STMN4: variants seen among roughly 807,000 people sequenced by gnomAD.
The protein encoded by STMN4 is stathmin-4.
A neutral mutation model predicts 29.1 loss-of-function variants in STMN4; 12 were observed. That is an observed-to-expected ratio of 0.41 (90% CI 0.26 to 0.67). STMN4 has a LOEUF of 0.67. Ranked by LOEUF, STMN4 falls within the 30% of genes least tolerant of loss-of-function variation. The pLI, the probability that STMN4 is intolerant of heterozygous loss-of-function variation, is 0.30. For synonymous variants in STMN4, 114 were observed against 105.3 expected, an observed-to-expected ratio of 1.08 and a Z score of -0.51; for missense variants, 181 against 262.8, an observed-to-expected ratio of 0.69 and a Z score of 2.15.
chr8:27,247,996 CA>C (rs559431784), intron 1 of STMN4, among the ~76,000 whole-genome samples: 249 of 152,296 alleles, frequency 1.6e-3, no homozygotes, highest in African/African-American at 5.8e-3. Context: ...CAACAAAGAT[CA>C]AAGGAGCCCC....
intron 1 of STMN4, among the ~76,000 whole-genome samples, chr8:27,249,842 G>T (rs17367059): frequency 0.063 from 9,520 of 152,220 alleles, 418 homozygotes; most frequent in Non-Finnish European, 0.092. Flanking sequence ...CTGCCCATAC[G>T]ACAGAATGAA....
chr8:27,249,324 C>T (rs961040147), intron 1 of STMN4, among the ~76,000 whole-genome samples: 8 of 152,140 alleles, frequency 5.3e-5, no homozygotes, highest in East Asian at 1.9e-4. Context: ...CCATGGTTCT[C>T]GACTCAGTGC....
chr8:27,241,240 C>T lies in STMN4; in HGVS notation c.213G>A (p.Trp71Ter). Residue 71 changes from tryptophan (W) to a stop codon, truncating the protein, a stop_gained, in exon 5 of 7, where the codon TGG becomes TGA. Coordinates refer to ENST00000350889, the MANE Select transcript of STMN4 (RefSeq NM_030795.4). LOFTEE classifies it high-confidence loss of function. ...RAQADTVDLNWCVISDMEVIE... is the reference protein window; with the variant it reads ...RAQADTVDLN ...TGACTTCCATGTCGGAAATGACGCA[C>T]CAATTCAGGTCCACCGTGTCTGCTA... is the stretch of plus-strand genomic sequence containing the variant. 6.2e-7 allele frequency: 1 copy of T among 1,614,186 alleles called. No homozygotes were observed. The highest frequency in any genetic ancestry group is 8.5e-7 in the Non-Finnish European group (1 of 1,180,038).
intron 6 of STMN4, 141 bp from the exon 7 acceptor site, chr8:27,237,046 G>T: frequency 1.2e-6 from 1 of 844,520 alleles, no homozygotes; most frequent in Non-Finnish European, 1.8e-6. Flanking sequence ...CATCCCGAGA[G>T]GGGCAGAAGG....
chr8:27,241,423 C>T (rs1464104262), intron 4 of STMN4, among the ~76,000 whole-genome samples, 161 bp from the exon 5 acceptor site: 3 of 152,186 alleles, frequency 2.0e-5, no homozygotes, highest in Non-Finnish European at 2.9e-5. Context: ...GGGCAATGGC[C>T]TCTGACGGGG....
chr8:27,237,055 G>T, intron 6 of STMN4, 150 bp from the exon 7 acceptor site: 1 of 791,374 alleles, frequency 1.3e-6, no homozygotes, highest in Non-Finnish European at 1.9e-6. Flanking sequence ...AGGGGCAGAA[G>T]GTGGCAGGTG....
chr8:27,249,712 C>A (rs947612530), intron 1 of STMN4, among the ~76,000 whole-genome samples: 2 of 152,136 alleles, frequency 1.3e-5, no homozygotes, highest in African/African-American at 4.8e-5. Context: ...TTCATGCAAC[C>A]CACACTTCCA....
chr8:27,247,121 G>A (rs1478780046), intron 1 of STMN4, among the ~76,000 whole-genome samples: 1 of 152,064 alleles, frequency 6.6e-6, no homozygotes, highest in Non-Finnish European at 1.5e-5. Flanking sequence ...CCGGCATGGT[G>A]GCGCATGCCT....
rs59516183 is a variant in STMN4 at position 27,257,459 on chromosome 8, AACACACACACAC to A, written c.-79+880_-79+891del. ...GACCTCTCCCTCCGACCCCCATACA[AACACACACACAC>A]ACACACACACACACACACACACACA... is the stretch of plus-strand genomic sequence containing the variant. On this transcript the variant is annotated intron_variant, in intron 1 of 6. Transcript: ENST00000350889. Among the ~76,000 whole-genome samples, 66 of 137,816 alleles carry A rather than the reference AACACACACACAC, an allele frequency of 4.8e-4. 1 individual carries two copies. Among genetic ancestry groups the A allele is most frequent in the East Asian group, 1.5e-3 (7 of 4,604 alleles). 90.4% of individuals were successfully genotyped at this position (137,816 alleles called of 152,430 possible).
intron 6 of STMN4, 66 bp downstream of exon 6, chr8:27,239,905 G>A (rs757763185): frequency 1.4e-5 from 23 of 1,611,770 alleles, no homozygotes; most frequent in South Asian, 1.1e-4. Context: ...GCAGGTCCCC[G>A]CATACTTGCT....
chr8:27,250,976 C>T (rs555650782), intron 1 of STMN4, among the ~76,000 whole-genome samples: 4 of 152,128 alleles, frequency 2.6e-5, no homozygotes, highest in South Asian at 2.1e-4. Flanking sequence ...CGGCTGAGTG[C>T]GATGGCTCAT....
At chr8:27,251,229 G>T (rs1389035133) in intron 1 of STMN4, among the ~76,000 whole-genome samples, 1 of 151,278 alleles carries the variant, frequency 6.6e-6, no homozygotes, top group Non-Finnish European at 1.5e-5. Flanking sequence ...CTTCAGCCTG[G>T]GTGAAAGAGT....
chr8:27,238,031 A>G (rs1484394677), intron 6 of STMN4, among the ~76,000 whole-genome samples: 2 of 152,158 alleles, frequency 1.3e-5, no homozygotes, highest in Non-Finnish European at 2.9e-5. Flanking sequence ...TTTTCAGGAT[A>G]AACTATAAAC....
chr8:27,237,283 A>C (rs955113273), intron 6 of STMN4, among the ~76,000 whole-genome samples: 2 of 152,212 alleles, frequency 1.3e-5, no homozygotes, highest in African/African-American at 4.8e-5. Flanking sequence ...GAGCAGGCAG[A>C]ACAGACAGGC....
intron 6 of STMN4, among the ~76,000 whole-genome samples, chr8:27,238,484 T>C (rs1319913003): frequency 6.6e-6 from 1 of 152,240 alleles, no homozygotes. Flanking sequence ...CTCTACAATA[T>C]GGACCTTTCC....
At chr8:27,239,826 C>G (rs941144856) in intron 6 of STMN4, 145 bp downstream of exon 6, 1 of 1,548,836 alleles carries the variant, frequency 6.5e-7, no homozygotes, top group Non-Finnish European at 8.7e-7. Context: ...CTTCGGAACT[C>G]TCTAAAGATC....
chr8:27,239,024 C>T (rs1801389403), intron 6 of STMN4, among the ~76,000 whole-genome samples: 1 of 152,254 alleles, frequency 6.6e-6, no homozygotes, highest in Non-Finnish European at 1.5e-5. Flanking sequence ...TCACCTCCCT[C>T]CCATGTGACA....
At chr8:27,249,082 A>G (rs1043723693) in intron 1 of STMN4, among the ~76,000 whole-genome samples, 3 of 151,242 alleles carry the variant, frequency 2.0e-5, no homozygotes, top group African/African-American at 7.3e-5. Flanking sequence ...GAAATAAATT[A>G]GTGGGTGATA....
intron 5 of STMN4, among the ~76,000 whole-genome samples, chr8:27,240,584 G>T (rs1196422119): frequency 6.6e-6 from 1 of 152,126 alleles, no homozygotes; most frequent in Non-Finnish European, 1.5e-5. Context: ...AGGAATTCAT[G>T]ATAGGGGATT....
Sources: gnomAD v4.1 joint callset for allele counts (sites outside exome capture counted in the v4.1 genomes callset) on GRCh38, gnomAD v4.1.1 for gene constraint, MANE v1.5 for transcripts, NCBI Gene and HGNC (gene_info 2026-07-23, HGNC 2026-07-21) for gene names.